Variants in CADPS2 observed in about 807,000 individuals in gnomAD.
CADPS2 encodes calcium dependent secretion activator 2.
Under a neutral mutation model 172.5 loss-of-function variants are expected in CADPS2, and 93 were observed. The ratio of observed to expected loss-of-function variants is 0.54; its 90% confidence interval spans 0.46 to 0.64. The LOEUF (loss-of-function observed/expected upper bound fraction) is 0.64, where lower values mean the gene tolerates loss of function less well. CADPS2 is among the 30% of genes least tolerant of loss of function. The pLI is 0.00. For synonymous variants in CADPS2, 546 were observed against 555.2 expected (o/e 0.98, Z 0.23); for missense variants, 1,420 against 1,565.9 (o/e 0.91, Z 1.57).
At chr7:122,553,401 T>C (rs929958735) in intron 8 of CADPS2, among the ~76,000 whole-genome samples, 2 of 152,170 alleles carry the variant, frequency 1.3e-5, no homozygotes, top group Admixed American at 1.3e-4. Context: ...TAGTTAGACT[T>C]GACTTTACAT....
At chr7:122,636,708 C>T (rs575133389) in intron 3 of CADPS2, among the ~76,000 whole-genome samples, 9 of 152,148 alleles carry the variant, frequency 5.9e-5, no homozygotes, top group East Asian at 1.9e-4. Flanking sequence ...TGATGTGATC[C>T]GCCTGCCTCG....
chr7:122,751,334 A>T (rs1230046753), intron 1 of CADPS2, among the ~76,000 whole-genome samples: 1 of 152,098 alleles, frequency 6.6e-6, no homozygotes, highest in Non-Finnish European at 1.5e-5. Context: ...AGAAATAATG[A>T]TTTAAAAAAA....
intron 2 of CADPS2, among the ~76,000 whole-genome samples, chr7:122,674,204 A>C (rs1218540470): frequency 1.3e-5 from 2 of 151,846 alleles, no homozygotes; most frequent in Non-Finnish European, 1.5e-5. Flanking sequence ...CCCCGCCCGC[A>C]CCTCTCCCTT....
At chr7:122,676,536 A>G in intron 2 of CADPS2, 1 of 556,396 alleles carries the variant, frequency 1.8e-6, no homozygotes. Context: ...CTTATGTTCA[A>G]GCAGCAGTTG....
intron 25 of CADPS2, among the ~76,000 whole-genome samples, chr7:122,361,863 CAGG>C (rs1172806582): frequency 6.6e-6 from 1 of 151,970 alleles, no homozygotes; most frequent in African/African-American, 2.4e-5. Context: ...CGCCTGAGGT[CAGG>C]AGTTCGAGAC....
At chr7:122,440,095 A>G (rs1386621864) in intron 16 of CADPS2, 1 of 152,166 alleles carries the variant, frequency 6.6e-6, no homozygotes, top group Non-Finnish European at 1.5e-5. Flanking sequence ...TTACTTTTCA[A>G]TATCAGTAAG....
chr7:122,783,770 C>G (rs1375979670), intron 1 of CADPS2, among the ~76,000 whole-genome samples: 1 of 152,176 alleles, frequency 6.6e-6, no homozygotes, highest in Admixed American at 6.5e-5. Flanking sequence ...AACTGAGGTA[C>G]ATCAAAGGTT....
intron 13 of CADPS2, among the ~76,000 whole-genome samples, chr7:122,474,041 C>T (rs1186674027): frequency 1.3e-5 from 2 of 149,030 alleles, no homozygotes; most frequent in Non-Finnish European, 3.0e-5. Context: ...GTCTGTACGT[C>T]CTATAACAGA....
intron 20 of CADPS2, among the ~76,000 whole-genome samples, chr7:122,394,603 G>T (rs978512903): frequency 6.6e-6 from 1 of 152,078 alleles, no homozygotes; most frequent in African/African-American, 2.4e-5. Flanking sequence ...GAGGTTTCCA[G>T]GTAGAGGGAA....
chr7:122,525,984 A>G (rs1365468646), intron 8 of CADPS2, among the ~76,000 whole-genome samples: 4 of 152,152 alleles, frequency 2.6e-5, no homozygotes, highest in African/African-American at 7.2e-5. Flanking sequence ...CATTGACAAA[A>G]TATCATTATG....
At chr7:122,697,582 A>T (rs1165785125) in intron 2 of CADPS2, 1 of 496,150 alleles carries the variant, frequency 2.0e-6, no homozygotes, top group Non-Finnish European at 3.5e-6. Flanking sequence ...TTGACAAAAA[A>T]TTACACTTAG....
At chr7:122,469,593 A>G (rs1369363475) in intron 14 of CADPS2, among the ~76,000 whole-genome samples, 1 of 152,122 alleles carries the variant, frequency 6.6e-6, no homozygotes, top group Non-Finnish European at 1.5e-5. Flanking sequence ...CCTAATTTCA[A>G]ATCAAGGCTG....
At chr7:122,873,535 G>A (rs964053440) in intron 1 of CADPS2, among the ~76,000 whole-genome samples, 1 of 151,916 alleles carries the variant, frequency 6.6e-6, no homozygotes, top group Non-Finnish European at 1.5e-5. Context: ...ATTCCGTGGT[G>A]TATATGTGCC....
chr7:122,435,600 A>G (rs2050532310), intron 17 of CADPS2, among the ~76,000 whole-genome samples: 1 of 152,166 alleles, frequency 6.6e-6, no homozygotes, highest in South Asian at 2.1e-4. Flanking sequence ...GCCACTATGA[A>G]AAATAGTATG....
chr7:122,644,311 G>A (rs1322719586), intron 3 of CADPS2, among the ~76,000 whole-genome samples: 1 of 152,048 alleles, frequency 6.6e-6, no homozygotes, highest in Non-Finnish European at 1.5e-5. Context: ...TACATTTTCT[G>A]AATCATGTAT....
chr7:122,564,372 G>C lies in CADPS2; in HGVS notation c.1336-9683C>G, dbSNP rs113388353. On this transcript the variant is annotated intron_variant, in intron 7 of 29. Coordinates refer to ENST00000449022, the MANE Select transcript of CADPS2 (RefSeq NM_017954.11). ...CAGGCAGGCTGGAGTGCAGTGGCAT[G>C]ATCTTGGCTCACTGCAACCTCTGCC... Among the ~76,000 whole-genome samples, 3 of 152,000 alleles carry C rather than the reference G, an allele frequency of 2.0e-5. No homozygotes were observed. The South Asian group carries it at 6.2e-4, about 32-fold the overall frequency.
At chr7:122,741,303 G>A (rs2092461475) in intron 1 of CADPS2, among the ~76,000 whole-genome samples, 1 of 152,120 alleles carries the variant, frequency 6.6e-6, no homozygotes, top group Non-Finnish European at 1.5e-5. Context: ...TCCATATATA[G>A]ACAGAAACTA....
chr7:122,585,754 G>A (rs1034548030), intron 6 of CADPS2: 1 of 151,930 alleles, frequency 6.6e-6, no homozygotes, highest in Non-Finnish European at 1.5e-5. Flanking sequence ...AATCTACAAA[G>A]CACCTTTACG....
chr7:122,514,425 TTC>T (rs1388624478), intron 8 of CADPS2, among the ~76,000 whole-genome samples: 2 of 152,114 alleles, frequency 1.3e-5, no homozygotes, highest in Non-Finnish European at 2.9e-5. Flanking sequence ...AATCTTTAAT[TTC>T]TGTCTTATTA....
Sources: allele counts gnomAD v4.1 joint callset (sites outside exome capture counted in the v4.1 genomes callset), GRCh38; gene constraint gnomAD v4.1.1; transcripts MANE v1.5; gene names NCBI Gene and HGNC (gene_info 2026-07-23, HGNC 2026-07-21).